Variants in SNED1 observed in about 807,000 individuals in gnomAD.
The protein encoded by SNED1 is sushi, nidogen and EGF like domains 1.
A neutral mutation model predicts 166.7 loss-of-function variants in SNED1; 81 were observed. That is an observed-to-expected ratio of 0.49 (90% confidence interval 0.41 to 0.58). The LOEUF is 0.58. Ranked by LOEUF, SNED1 falls within the 20% of genes least tolerant of loss-of-function variation. SNED1 has a pLI of 0.00. For missense variants in SNED1, 1,604 were observed against 2,000.2 expected (o/e 0.80, Z 3.78); for synonymous variants, 762 against 822.0 (o/e 0.93, Z 1.25).
rs1010594810 is a variant in SNED1, at chr2:241,063,720, G to A, written c.2485+20G>A. On this transcript the variant is annotated intron_variant, in intron 18 of 31. Transcript: ENST00000310397. ...AGACAGGTAGGGGCTCCCTCCAGTG[G>A]GCCCCACATGCAGAGCCTGGGCCTC... 2.0e-6 allele frequency: 3 copies of A among 1,480,958 alleles called. No individual in the cohort carries two copies. Among genetic ancestry groups the A allele is most frequent in the Admixed American group, 3.6e-5 (2 of 56,328 alleles). The allele number at this position is 1,480,958 out of a possible 1,614,324, so 91.7% of individuals were successfully genotyped here. A position where few individuals can be genotyped will look rare whatever the true frequency, so the allele number is the denominator to read the frequency against.
At chr2:241,080,171 C>G (rs1169060508) in intron 27 of SNED1, among the ~76,000 whole-genome samples, 1 of 152,062 alleles carries the variant, frequency 6.6e-6, no homozygotes, top group Admixed American at 6.5e-5. Context: ...GTAGTACCAG[C>G]TACTCGGGAG....
intron 8 of SNED1, among the ~76,000 whole-genome samples, chr2:241,043,068 G>A (rs1462090396): frequency 1.3e-5 from 2 of 152,238 alleles, no homozygotes; most frequent in Non-Finnish European, 1.5e-5. Context: ...CACGTATTTG[G>A]AGTCTGCGAA....
In SNED1 at chr2:240,998,731, C is replaced by CCCGCGCT. The variant is rs2059989661; in HGVS notation, c.-104_-98dup. The CCCGCGCT allele has an allele frequency of 2.8e-6, 1 of 357,256 alleles. No homozygotes were observed. The highest frequency in any genetic ancestry group is 6.6e-5 in the Admixed American group (1 of 15,192). 22.1% of individuals were successfully genotyped at this position (357,256 alleles called of 1,614,324 possible). On this transcript the variant is annotated 5_prime_UTR_variant, in exon 1 of 32. Transcript: ENST00000310397. Reference sequence around the variant, plus strand: ...CCCGACGGCGCGGCCAGCGGGCGCGCCCGCGCTCCCCGCACCCCGCCTGGC... The same window carrying CCCGCGCT: ...CCCGACGGCGCGGCCAGCGGGCGCGCCCGCGCTCCGCGCTCCCCGCACCCCGCCTGGC...
intron 1 of SNED1, among the ~76,000 whole-genome samples, chr2:241,001,252 T>C (rs757397773): frequency 2.6e-5 from 4 of 152,228 alleles, no homozygotes; most frequent in Non-Finnish European, 4.4e-5. Flanking sequence ...TCTGAATGAA[T>C]GAATGTGCCT....
intron 29 of SNED1, among the ~76,000 whole-genome samples, chr2:241,086,531 C>T (rs2063584600): frequency 1.3e-5 from 2 of 152,230 alleles, no homozygotes; most frequent in Admixed American, 1.3e-4. Flanking sequence ...TGTTTCTCCT[C>T]TCTCAGGGAT....
At chr2:241,048,283 G>A (rs188282692) in intron 8 of SNED1, 32 bp from the exon 9 acceptor site, 241 of 1,566,508 alleles carry the variant, frequency 1.5e-4, no homozygotes, top group Non-Finnish European at 1.8e-4. Context: ...CATTCCCTGC[G>A]TGGCCGCTGG....
intron 27 of SNED1, among the ~76,000 whole-genome samples, chr2:241,078,767 C>T (rs886874244): frequency 6.6e-6 from 1 of 151,772 alleles, no homozygotes; most frequent in Non-Finnish European, 1.5e-5. Context: ...AAATTGTACA[C>T]TTTGGGTGAA....
chr2:241,079,281 A>G (rs1054861436), intron 27 of SNED1, among the ~76,000 whole-genome samples: 2 of 151,328 alleles, frequency 1.3e-5, no homozygotes, highest in South Asian at 2.1e-4. Flanking sequence ...GCGCAGTGGC[A>G]GGCGCCTGTA....
At chr2:241,017,903 C>G (rs980363431) in intron 1 of SNED1, among the ~76,000 whole-genome samples, 3 of 152,146 alleles carry the variant, frequency 2.0e-5, no homozygotes, top group Non-Finnish European at 2.9e-5. Context: ...TTGACGCCAC[C>G]GTCAATAATT....
In SNED1 at chr2:241,064,940, G is replaced by A. The variant is rs1383466785; in HGVS notation, c.2696G>A (p.Gly899Asp). 6.3e-7 allele frequency: 1 copy of A among 1,585,080 alleles called. No individual in the cohort carries two copies. Among genetic ancestry groups the A allele is most frequent in the South Asian group, 1.2e-5 (1 of 86,354 alleles). The change falls in exon 20 of 32, where the codon GGC becomes GAC. Residue 899 changes from glycine (G) to aspartate (D), a missense_variant. Gly to Asp is a moderately conservative substitution (Grantham distance 94). Around this residue, in one of 2 missense-constraint regions of SNED1, gnomAD observed 1,237 missense variants for 1,620.8 expected, o/e 0.76. Transcript: ENST00000310397. The surrounding 1 kb of genome is among the most constrained non-coding windows in gnomAD (Gnocchi z 7.0). Reference sequence around the variant, plus strand: ...TGCACCTGCAAAGTGGGCTACACGGGCGAGGACTGCGCCAAAGGTGGGTGG... The same window carrying A: ...TGCACCTGCAAAGTGGGCTACACGGACGAGGACTGCGCCAAAGGTGGGTGG... Reference protein sequence around the residue: ...HSCTCKVGYTGEDCAKELFPP... With the variant: ...HSCTCKVGYTDEDCAKELFPP...
In SNED1 at chr2:241,067,952, GA is replaced by G; in HGVS notation, c.3194+7del. ...TGTGGACAGGTTCACCTTTAGGTAA[GA>G]AGGGACACCCAGAGCATGGGGCTGG... On this transcript the variant is annotated splice_donor_region_variant and intron_variant, in intron 22 of 31. Transcript: ENST00000310397. 1 of 1,602,104 alleles carries G rather than the reference GA, an allele frequency of 6.2e-7. No individual in the cohort carries two copies. Among genetic ancestry groups the G allele is most frequent in the Non-Finnish European group, 8.5e-7 (1 of 1,171,402 alleles).
chr2:241,025,330 T>C (rs751100546), intron 1 of SNED1, among the ~76,000 whole-genome samples: 52 of 152,170 alleles, frequency 3.4e-4, no homozygotes, highest in Admixed American at 8.5e-4. Flanking sequence ...AATTGTCTTC[T>C]ATGAAACTGG....
intron 24 of SNED1, among the ~76,000 whole-genome samples, chr2:241,071,197 A>C (rs1236136619): frequency 6.6e-6 from 1 of 152,144 alleles, no homozygotes; most frequent in Non-Finnish European, 1.5e-5. Flanking sequence ...GCGTCCCATC[A>C]GGAGGCCACT....
In SNED1 at chr2:241,071,617, C is replaced by T. The variant is rs758802776; in HGVS notation, c.3631C>T (p.His1211Tyr). ...TGACAGACGCTGGCACCAGGGAGGACACCACCCTCGGGTGCTCAAGAACAG... is the reference window on the plus strand; with the variant it reads ...TGACAGACGCTGGCACCAGGGAGGATACCACCCTCGGGTGCTCAAGAACAG... ...GADRRWHQGGHHPRVLKNRPP... is the reference protein window; with the variant it reads ...GADRRWHQGGYHPRVLKNRPP... The change falls in exon 25 of 32, where the codon CAC (histidine) becomes TAC (tyrosine). Residue 1211 changes from histidine (H) to tyrosine (Y), a missense_variant. This residue lies in a region of SNED1 where 367 missense variants were observed against 379.4 expected (regional missense o/e 0.97). Transcript: ENST00000310397. 3 of 1,587,372 alleles carry T rather than the reference C, an allele frequency of 1.9e-6. No individual in the cohort carries two copies. The highest frequency in any genetic ancestry group is 1.3e-5 in the African/African-American group (1 of 74,658).
At chr2:241,047,818 AGGT>A (rs1382911364) in intron 8 of SNED1, among the ~76,000 whole-genome samples, 6 of 122,150 alleles carry the variant, frequency 4.9e-5, no homozygotes, top group Non-Finnish European at 8.8e-5. Flanking sequence ...GTCCATTCCC[AGGT>A]GGTTTCTCTG....
intron 8 of SNED1, chr2:241,041,198 G>A (rs1009781367): frequency 5.5e-6 from 1 of 181,812 alleles, no homozygotes; most frequent in African/African-American, 2.4e-5. Flanking sequence ...GGCAGGAGCG[G>A]GAGGAGGCAG....
chr2:241,091,447 G>A lies in SNED1; in HGVS notation c.*2-191G>A, dbSNP rs183754690. Among the ~76,000 whole-genome samples, 25 of 151,670 alleles carry A rather than the reference G, an allele frequency of 1.6e-4. No individual in the cohort carries two copies. The highest frequency in any genetic ancestry group is 5.8e-4 in the African/African-American group (24 of 41,030). Reference sequence around the variant, plus strand: ...GTGCACTGCCATATGGTAGAATCCTGGTGCTCTAAGAACGCGGGGTCCTCC... The same window carrying A: ...GTGCACTGCCATATGGTAGAATCCTAGTGCTCTAAGAACGCGGGGTCCTCC... On this transcript the variant is annotated intron_variant, in intron 31 of 31. Coordinates refer to ENST00000310397, the MANE Select transcript of SNED1 (RefSeq NM_001080437.3). This position sits in a 1 kb window ranked among gnomAD's most constrained non-coding sequence, Gnocchi z 4.1.
chr2:241,047,517 C>T (rs550582033), intron 8 of SNED1, among the ~76,000 whole-genome samples: 4 of 152,342 alleles, frequency 2.6e-5, no homozygotes, highest in Non-Finnish European at 5.9e-5. Context: ...TCACGTTATT[C>T]TCAAGTGCTC....
At chr2:241,054,698 C>T (rs991246795) in intron 16 of SNED1, among the ~76,000 whole-genome samples, 1 of 152,188 alleles carries the variant, frequency 6.6e-6, no homozygotes, top group Non-Finnish European at 1.5e-5. Context: ...AGATTAAAAA[C>T]TATAATAGTT....
Sources: allele counts gnomAD v4.1 joint callset (sites outside exome capture counted in the v4.1 genomes callset), GRCh38; gene constraint gnomAD v4.1.1; regional missense constraint gnomAD v4.1.1; non-coding constraint Gnocchi (gnomAD v3.1); transcripts MANE v1.5; gene names NCBI Gene and HGNC (gene_info 2026-07-23, HGNC 2026-07-21).